Variants in RBM47 observed in about 807,000 individuals in gnomAD.
RBM47 encodes RNA-binding protein 47.
In RBM47, 21 loss-of-function variants were observed where a neutral mutation model predicts 47.1. The ratio of observed to expected loss-of-function variants is 0.45; its 90% CI spans 0.32 to 0.64. RBM47 has a LOEUF of 0.64. Ranked by LOEUF, RBM47 falls within the 30% of genes least tolerant of loss-of-function variation. The pLI is 0.05. For missense variants in RBM47, 708 were observed against 870.9 expected (o/e 0.81, Z 2.35); for synonymous variants, 375 against 361.7 (o/e 1.04, Z -0.42).
chr4:40,600,604 A>G (rs1181642657), intron 1 of RBM47, among the ~76,000 whole-genome samples: 1 of 149,026 alleles, frequency 6.7e-6, no homozygotes, highest in Non-Finnish European at 1.5e-5. Context: ...ACTGCACTCC[A>G]GCCTGGGCGA....
At chr4:40,590,341 G>A (rs1002706494) in intron 1 of RBM47, among the ~76,000 whole-genome samples, 7 of 151,910 alleles carry the variant, frequency 4.6e-5, no homozygotes, top group Non-Finnish European at 5.9e-5. Flanking sequence ...GTGACGGCAG[G>A]CCATGATCAT....
chr4:40,458,099 A>G (rs1362387729), intron 3 of RBM47, among the ~76,000 whole-genome samples: 5 of 152,260 alleles, frequency 3.3e-5, no homozygotes, highest in African/African-American at 1.2e-4. Context: ...AGTAGTAGTT[A>G]TATAGTAACA....
At chr4:40,568,514 T>C (rs1165688022) in intron 1 of RBM47, among the ~76,000 whole-genome samples, 4 of 151,234 alleles carry the variant, frequency 2.6e-5, no homozygotes, top group African/African-American at 9.7e-5. Flanking sequence ...TGTCAATTTT[T>C]TTCCGAATTG....
chr4:40,625,015 A>T (rs1217960410), intron 1 of RBM47, among the ~76,000 whole-genome samples: 1 of 151,924 alleles, frequency 6.6e-6, no homozygotes, highest in African/African-American at 2.4e-5. Flanking sequence ...ATGCCTGGCT[A>T]ATTTTTGTAC....
chr4:40,567,870 TAG>T (rs1400051584), intron 1 of RBM47, among the ~76,000 whole-genome samples: 2 of 152,116 alleles, frequency 1.3e-5, no homozygotes, highest in East Asian at 3.9e-4. Context: ...TATATTCCTG[TAG>T]AGAGATCTAA....
At chr4:40,600,768 C>T (rs975726542) in intron 1 of RBM47, among the ~76,000 whole-genome samples, 7 of 151,640 alleles carry the variant, frequency 4.6e-5, no homozygotes, top group African/African-American at 1.7e-4. Context: ...GGGCTGATCA[C>T]CTGAGGTCGG....
At chr4:40,620,195 GAAAAAAAAA>G (rs200356171) in intron 1 of RBM47, among the ~76,000 whole-genome samples, 4 of 80,196 alleles carry the variant, frequency 5.0e-5, no homozygotes, top group South Asian at 3.7e-4. Context: ...GACTCAGTAT[GAAAAAAAAA>G]AAAAAAAAAA....
intron 1 of RBM47, among the ~76,000 whole-genome samples, chr4:40,599,387 C>T (rs1363922834): frequency 1.3e-5 from 2 of 151,986 alleles, no homozygotes; most frequent in African/African-American, 4.8e-5. Context: ...AAAATGGAAA[C>T]CCATTTAGGT....
chr4:40,512,734 AGAAAGAAAAGAAAAAAAAG>A (rs1174799603), intron 2 of RBM47, among the ~76,000 whole-genome samples: 1 of 151,482 alleles, frequency 6.6e-6, no homozygotes, highest in Non-Finnish European at 1.5e-5. Flanking sequence ...AAAAAAAGAA[AGAAAGAAAAGAAAAAAAAG>A]GAAAGAAAAG....
At chr4:40,591,762 G>A (rs192754429) in intron 1 of RBM47, among the ~76,000 whole-genome samples, 1 of 152,094 alleles carries the variant, frequency 6.6e-6, no homozygotes, top group African/African-American at 2.4e-5. Flanking sequence ...ATGAGTAATA[G>A]GTTCTACCTG....
chr4:40,517,748 G>C (rs926333251), intron 2 of RBM47, among the ~76,000 whole-genome samples: 1 of 152,180 alleles, frequency 6.6e-6, no homozygotes, highest in African/African-American at 2.4e-5. Context: ...AAGGACGGCT[G>C]TGTCTGTACT....
chr4:40,485,402 T>C (rs1338627215), intron 2 of RBM47, among the ~76,000 whole-genome samples: 1 of 152,236 alleles, frequency 6.6e-6, no homozygotes, highest in African/African-American at 2.4e-5. Context: ...AGTAAGAATA[T>C]GCAGATGGGA....
chr4:40,585,947 C>A (rs760039713), intron 1 of RBM47, among the ~76,000 whole-genome samples: 1 of 152,200 alleles, frequency 6.6e-6, no homozygotes, highest in Non-Finnish European at 1.5e-5. Context: ...GTAAGCAGGA[C>A]GGTACTCTTT....
chr4:40,459,777 G>A (rs1486777042), intron 3 of RBM47, among the ~76,000 whole-genome samples: 3 of 152,014 alleles, frequency 2.0e-5, no homozygotes, highest in African/African-American at 4.8e-5. Flanking sequence ...TTTCATTCTT[G>A]TTGCTAAGGC....
chr4:40,568,930 G>A (rs762866562), intron 1 of RBM47, among the ~76,000 whole-genome samples: 2 of 151,550 alleles, frequency 1.3e-5, no homozygotes, highest in African/African-American at 2.4e-5. Flanking sequence ...ACAGTGAGCC[G>A]AGATTGCGCC....
chr4:40,549,321 A>G (rs2154263694), intron 1 of RBM47, among the ~76,000 whole-genome samples: 1 of 151,712 alleles, frequency 6.6e-6, no homozygotes, highest in East Asian at 2.0e-4. Flanking sequence ...CAAACTTCTG[A>G]CCTCAAGTGA....
At chr4:40,594,520 A>G (rs1489510611) in intron 1 of RBM47, among the ~76,000 whole-genome samples, 5 of 147,106 alleles carry the variant, frequency 3.4e-5, no homozygotes, top group Middle Eastern at 7.1e-3. Flanking sequence ...ACTCCTCTGC[A>G]TGACATTCAA....
chr4:40,538,333 T>G (rs1442954538), intron 2 of RBM47, among the ~76,000 whole-genome samples: 2 of 149,534 alleles, frequency 1.3e-5, no homozygotes, highest in Non-Finnish European at 3.0e-5. Context: ...GTATTGTTTT[T>G]TTTTTTTTTT....
At chr4:40,600,035 C>A (rs551684879) in intron 1 of RBM47, among the ~76,000 whole-genome samples, 2 of 152,090 alleles carry the variant, frequency 1.3e-5, no homozygotes, top group African/African-American at 4.8e-5. Flanking sequence ...TGAGACAAGG[C>A]CTCACTCTGT....
Sources: gnomAD v4.1 joint callset for allele counts (sites outside exome capture counted in the v4.1 genomes callset) on GRCh38, gnomAD v4.1.1 for gene constraint, MANE v1.5 for transcripts, NCBI Gene and HGNC (gene_info 2026-07-23, HGNC 2026-07-21) for gene names.